The following ZNF653 variants were observed in gnomAD, a reference collection of about 807,000 sequenced individuals.
The protein encoded by ZNF653 is zinc finger protein 653.
In ZNF653, 37 loss-of-function variants were observed where a neutral mutation model predicts 59.9. The ratio of observed to expected loss-of-function variants is 0.62; its 90% CI spans 0.48 to 0.81. The LOEUF is 0.81. ZNF653 is among the 40% of genes least tolerant of loss of function. The pLI, the probability that ZNF653 is intolerant of heterozygous loss-of-function variation, is 0.00. For missense variants in ZNF653, 808 were observed against 881.1 expected (o/e 0.92, Z 1.05); for synonymous variants, 435 against 371.8 (o/e 1.17, Z -1.96).
chr19:11,483,965 G>A, intron 8 of ZNF653, 77 bp downstream of exon 8: 4 of 1,529,114 alleles, frequency 2.6e-6, no homozygotes, highest in East Asian at 2.5e-5. Flanking sequence ...ACTGCGTTGG[G>A]GCGAAGCCGC....
At position 11,495,668 on chromosome 19, in the gene ZNF653, TCCTGGGCCCTCAGCCAGCCCTG is replaced by T. The variant is rs768190082; in HGVS notation, c.559+260_559+281del. 3.6e-5 allele frequency: 16 copies of T among 447,122 alleles called. No homozygotes were observed. Among genetic ancestry groups the T allele is most frequent in the South Asian group, 3.3e-4 (15 of 45,280 alleles). 27.7% of individuals were successfully genotyped at this position (447,122 alleles called of 1,614,324 possible). A position where few individuals can be genotyped will look rare whatever the true frequency, so the allele number is the denominator to read the frequency against. On this transcript the variant is annotated intron_variant, in intron 3 of 8. Coordinates refer to ENST00000293771, the MANE Select transcript of ZNF653 (RefSeq NM_138783.4). This position sits in a 1 kb window ranked among gnomAD's most constrained non-coding sequence, Gnocchi z 4.9. Reference sequence around the variant, plus strand: ...CCCGCCCCAGCTGCCAAGCCAGGGCTCCTGGGCCCTCAGCCAGCCCTGCCTGGGACTGGCCTTGGGCACAGAT... The same window carrying T: ...CCCGCCCCAGCTGCCAAGCCAGGGCTCCTGGGACTGGCCTTGGGCACAGAT...
At chr19:11,499,483 G>A (rs1276285886) in intron 1 of ZNF653, among the ~76,000 whole-genome samples, 1 of 151,978 alleles carries the variant, frequency 6.6e-6, no homozygotes, top group Non-Finnish European at 1.5e-5. Context: ...AGTGGGTACT[G>A]TCTGGGTGTG....
chr19:11,494,926 A>G (rs1971569229), intron 3 of ZNF653, among the ~76,000 whole-genome samples: 2 of 152,188 alleles, frequency 1.3e-5, no homozygotes, highest in Non-Finnish European at 2.9e-5. Context: ...AGTAAAAGGC[A>G]GAGGAGGGCG....
Position 11,495,245 on chromosome 19 carries a change from C to A in ZNF653, c.559+705G>T, listed in dbSNP as rs993862799. 7.2e-5 allele frequency among the ~76,000 whole-genome samples: 11 copies of A among 152,076 alleles called. No individual in the cohort carries two copies. The highest frequency in any genetic ancestry group is 3.9e-4 in the Admixed American group (6 of 15,266). On this transcript the variant is annotated intron_variant, in intron 3 of 8. Coordinates refer to ENST00000293771, the MANE Select transcript of ZNF653 (RefSeq NM_138783.4). This position sits in a 1 kb window ranked among gnomAD's most constrained non-coding sequence, Gnocchi z 4.9. ...ACTCACCGGGGCCAACTGAGCCTCC[C>A]TCACTGAGTCCCTGCCCCGTGGGAT...
intron 1 of ZNF653, chr19:11,504,570 G>C (rs765215064): frequency 2.9e-4 from 283 of 985,360 alleles, no homozygotes; most frequent in Non-Finnish European, 2.6e-4. Context: ...CCTGGGAAAG[G>C]GGTGGGTATA....
Position 11,487,934 on chromosome 19 carries a change from G to C in ZNF653, c.560-31C>G. The C allele has an allele frequency of 6.6e-7, 1 of 1,506,614 alleles. No homozygotes were observed. The highest frequency in any genetic ancestry group is 8.9e-7 in the Non-Finnish European group (1 of 1,129,692). 93.3% of individuals were successfully genotyped at this position (1,506,614 alleles called of 1,614,324 possible). On this transcript the variant is annotated intron_variant, in intron 3 of 8. Coordinates refer to ENST00000293771, the MANE Select transcript of ZNF653 (RefSeq NM_138783.4). This position sits in a 1 kb window ranked among gnomAD's most constrained non-coding sequence, Gnocchi z 5.1. The stretch of plus-strand genomic sequence containing the variant: ...GGGACAGAAGAAAGGGAGTGGTTAT[G>C]ATAGCTGCAGCCACTGGTATTTGTT...
At chr19:11,499,926 C>A (rs1971626701) in intron 1 of ZNF653, among the ~76,000 whole-genome samples, 1 of 151,972 alleles carries the variant, frequency 6.6e-6, no homozygotes, top group Non-Finnish European at 1.5e-5. Context: ...AACAAAGAAA[C>A]AAACAAAAAC....
At position 11,484,125 on chromosome 19, in the gene ZNF653, G is replaced by A. The variant is rs1215699548; in HGVS notation, c.1587C>T (p.Thr529=). The stretch of plus-strand genomic sequence containing the variant: ...TGAAGGACTTGCCGCAGGTCTCGCA[G>A]GTGAATTCACGGACACCTGGGGGCG... ...MIIHSGVREF[T]CETCGKSFKR... Residue 529 remains threonine, a synonymous_variant, in exon 8 of 9, where the codon ACC becomes ACT. Transcript: ENST00000293771. The A allele has an allele frequency of 6.4e-7, 1 of 1,554,002 alleles. No homozygotes were observed. The highest frequency in any genetic ancestry group is 2.0e-5 in the Admixed American group (1 of 51,278).
chr19:11,483,584 C>CGCGGTCCGGGCGGCCCTCGCA lies in ZNF653; in HGVS notation c.*77_*97dup. 1 of 1,458,510 alleles carries CGCGGTCCGGGCGGCCCTCGCA rather than the reference C, an allele frequency of 6.9e-7. No individual in the cohort carries two copies. Among genetic ancestry groups the CGCGGTCCGGGCGGCCCTCGCA allele is most frequent in the Non-Finnish European group, 9.1e-7 (1 of 1,099,388 alleles). 90.3% of individuals were successfully genotyped at this position (1,458,510 alleles called of 1,614,324 possible). ...GGGGCGGGGGCGCCTCCTTCCGGCCCGCGGTCCGGGCGGCCCTCGCAGCTG... is the reference window on the plus strand; with the variant it reads ...GGGGCGGGGGCGCCTCCTTCCGGCCCGCGGTCCGGGCGGCCCTCGCAGCGGTCCGGGCGGCCCTCGCAGCTG... On this transcript the variant is annotated 3_prime_UTR_variant, in exon 9 of 9. Coordinates refer to ENST00000293771, the MANE Select transcript of ZNF653 (RefSeq NM_138783.4).
At chr19:11,503,704 A>C (rs1248688060) in intron 1 of ZNF653, among the ~76,000 whole-genome samples, 2 of 151,700 alleles carry the variant, frequency 1.3e-5, no homozygotes, top group African/African-American at 4.8e-5. Context: ...TACTTGGGAG[A>C]CTGAGGCAGG....
intron 1 of ZNF653, among the ~76,000 whole-genome samples, chr19:11,503,781 G>A (rs1971671604): frequency 6.6e-6 from 1 of 151,976 alleles, no homozygotes. Flanking sequence ...ACTCTGGCCT[G>A]GGTGACAAAG....
chr19:11,485,408 G>A (rs1971455292), intron 7 of ZNF653, among the ~76,000 whole-genome samples: 1 of 152,176 alleles, frequency 6.6e-6, no homozygotes, highest in Admixed American at 6.5e-5. Context: ...GGATCATGGG[G>A]CATGGGGTCG....
rs148324883 is a variant in ZNF653, at chr19:11,487,031, G to C, written c.1299C>G (p.Ser433Arg). ...AEADGEELDG[S>R]DMSAIIYEIP... is the part of the protein sequence containing the mutation. ...TTTCATAGATGATGGCTGACATGTC[G>C]CTGCCGTCCAGCTCCTCCCCGTCCG... Residue 433 changes from serine (S) to arginine (R), a missense_variant, in exon 5 of 9, where the codon AGC becomes AGG. Ser to Arg is a moderately radical substitution (Grantham distance 110, BLOSUM62 -1). Coordinates refer to ENST00000293771, the MANE Select transcript of ZNF653 (RefSeq NM_138783.4). This position sits in a 1 kb window ranked among gnomAD's most constrained non-coding sequence, Gnocchi z 5.1. 1 of 1,614,120 alleles carries C rather than the reference G, an allele frequency of 6.2e-7. No individual in the cohort carries two copies. Among genetic ancestry groups the C allele is most frequent in the Non-Finnish European group, 8.5e-7 (1 of 1,179,990 alleles).
At chr19:11,501,381 G>A (rs1971642985) in intron 1 of ZNF653, among the ~76,000 whole-genome samples, 1 of 152,096 alleles carries the variant, frequency 6.6e-6, no homozygotes, top group African/African-American at 2.4e-5. Flanking sequence ...GTTTCGCCAT[G>A]TTGCCCAAGC....
At chr19:11,503,485 C>T (rs1292915783) in intron 1 of ZNF653, among the ~76,000 whole-genome samples, 1 of 152,168 alleles carries the variant, frequency 6.6e-6, no homozygotes, top group African/African-American at 2.4e-5. Flanking sequence ...ATGGACGATA[C>T]AATTTACTTA....
chr19:11,489,887 T>C (rs1971512313), intron 3 of ZNF653, among the ~76,000 whole-genome samples: 1 of 152,192 alleles, frequency 6.6e-6, no homozygotes, highest in African/African-American at 2.4e-5. Context: ...GCCTGGGGCC[T>C]CTCCTCAGCG....
intron 3 of ZNF653, among the ~76,000 whole-genome samples, chr19:11,488,474 C>T (rs1243462918): frequency 2.0e-5 from 3 of 151,252 alleles, no homozygotes; most frequent in African/African-American, 7.3e-5. Context: ...TTAGTAGAGA[C>T]GGGGTTTCAT....
At chr19:11,491,909 G>A (rs1038159399) in intron 3 of ZNF653, among the ~76,000 whole-genome samples, 1 of 151,836 alleles carries the variant, frequency 6.6e-6, no homozygotes, top group East Asian at 2.0e-4. Context: ...ACACCTGAGA[G>A]GGCTCCTCCC....
At position 11,487,115 on chromosome 19, in the gene ZNF653, C is replaced by G; in HGVS notation, c.1215G>C (p.Glu405Asp). The change falls in exon 5 of 9, where the codon GAG becomes GAC. Residue 405 changes from glutamate to aspartate, a missense_variant. By Grantham distance (45) the Glu-to-Asp change is conservative. Coordinates refer to ENST00000293771, the MANE Select transcript of ZNF653 (RefSeq NM_138783.4). The surrounding 1 kb of genome is among the most constrained non-coding windows in gnomAD (Gnocchi z 5.1). ...LCLLKKEEKEEPVAPELATTV... is the reference protein window; with the variant it reads ...LCLLKKEEKEDPVAPELATTV... ...TTGTTGCCAGCTCCGGGGCTACTGG[C>G]TCCTCCTTCTCCTCCTTCTTTAGCA... 6.2e-7 allele frequency: 1 copy of G among 1,612,956 alleles called. No individual in the cohort carries two copies. The highest frequency in any genetic ancestry group is 1.1e-5 in the South Asian group (1 of 91,084).
Sources: gnomAD v4.1 joint callset for allele counts (sites outside exome capture counted in the v4.1 genomes callset) on GRCh38, gnomAD v4.1.1 for gene constraint, Gnocchi (gnomAD v3.1) non-coding constraint, MANE v1.5 for transcripts, NCBI Gene and HGNC (gene_info 2026-07-23, HGNC 2026-07-21) for gene names.